Variants in AWAT1 observed in about 807,000 individuals in gnomAD.
AWAT1 encodes the protein diacyl-glycerol acyltransferase 2.
In AWAT1, 26 loss-of-function variants were observed where a neutral mutation model predicts 21.6. That is an observed-to-expected ratio of 1.20 (90% confidence interval 0.88 to 1.67). The LOEUF (loss-of-function observed/expected upper bound fraction) is 1.67. AWAT1 is among the 40% of genes most tolerant of loss of function. The pLI is 0.00. For missense variants in AWAT1, 264 were observed against 249.4 expected, an observed-to-expected ratio of 1.06 and a Z score of -0.39; for synonymous variants, 102 against 99.3, an observed-to-expected ratio of 1.03 and a Z score of -0.16.
At chrX:70,236,498 G>C (rs1351911406) in intron 3 of AWAT1, among the ~76,000 whole-genome samples, 1 of 111,846 alleles carries the variant, frequency 8.9e-6, no homozygotes, top group African/African-American at 3.3e-5. Flanking sequence ...TTAGTATAAA[G>C]TATATTATTT....
At chrX:70,235,903 C>T (rs2085512605) in intron 2 of AWAT1, 80 bp downstream of exon 2, 1 of 1,001,734 alleles carries the variant, frequency 1.0e-6, no homozygotes. Context: ...ACCACAGGCC[C>T]CTCATCCAAG....
In AWAT1 at chrX:70,239,838, C is replaced by T. The variant is rs373394760; in HGVS notation, c.736C>T (p.Arg246Cys). ...GTACAAGTTCCAGAGCTGCTTCCGCCGTATCTTTGGTTTCTACTGTTGTGT... is the reference window on the plus strand; with the variant it reads ...GTACAAGTTCCAGAGCTGCTTCCGCTGTATCTTTGGTTTCTACTGTTGTGT... ...RMYKFQSCFR[R>C]IFGFYCCVFY... The change falls in exon 6 of 7, where the codon CGT (arginine) becomes TGT (cysteine). Residue 246 changes from arginine to cysteine, a missense_variant. Transcript: ENST00000374521. 2 of 1,209,440 alleles carry T rather than the reference C, an allele frequency of 1.7e-6. No individual in the cohort carries two copies. The highest frequency in any genetic ancestry group is 2.2e-6 in the Non-Finnish European group (2 of 893,518).
chrX:70,238,788 C>A (rs762221472), intron 5 of AWAT1, among the ~76,000 whole-genome samples: 22 of 112,262 alleles, frequency 2.0e-4, no homozygotes, highest in Non-Finnish European at 3.8e-4. Flanking sequence ...CCATTCTGAG[C>A]CTTGGTGTTT....
chrX:70,237,114 C>A lies in AWAT1; in HGVS notation c.326C>A (p.Thr109Asn). ...GGGGTTCACCCCCATGGCCTCCTGACCTTTGGCGCCTTCTGCAACTTCTGC... is the reference window on the plus strand; with the variant it reads ...GGGGTTCACCCCCATGGCCTCCTGAACTTTGGCGCCTTCTGCAACTTCTGC... ...LMGVHPHGLL[T>N]FGAFCNFCTE... Residue 109 changes from threonine to asparagine, a missense_variant, in exon 4 of 7, where the codon ACC becomes AAC. Coordinates refer to ENST00000374521, the MANE Select transcript of AWAT1 (RefSeq NM_001013579.3). The A allele has an allele frequency of 8.3e-7, 1 of 1,206,897 alleles. No individual in the cohort carries two copies. Among genetic ancestry groups the A allele is most frequent in the Non-Finnish European group, 1.1e-6 (1 of 892,825 alleles).
At chrX:70,239,445 A>C (rs2085528671) in intron 5 of AWAT1, among the ~76,000 whole-genome samples, 1 of 111,983 alleles carries the variant, frequency 8.9e-6, no homozygotes, top group Non-Finnish European at 1.9e-5. Context: ...TACCTTATGC[A>C]TCCCCTCTTG....
At position 70,235,762 on chromosome X, in the gene AWAT1, G is replaced by A. The variant is rs751428521; in HGVS notation, c.123G>A (p.Leu41=). The A allele has an allele frequency of 2.7e-5, 33 of 1,208,950 alleles. No individual in the cohort carries two copies. In the Middle Eastern group the frequency reaches 9.2e-4, roughly 34 times the overall value. Residue 41 remains leucine, a synonymous_variant, in exon 2 of 7, where the codon TTG becomes TTA. Transcript: ENST00000374521. ...PLFVYLLFTS[L]WPLPVLYFAW... ...TCGTCTACCTGCTGTTTACATCCTT[G>A]TGGCCGCTACCAGTGCTTTACTTTG...
rs183658945 is a variant in AWAT1 at position 70,240,136 on chromosome X, T to C, written c.833T>C (p.Val278Ala). The change falls in exon 7 of 7, where the codon GTT becomes GCT. Residue 278 changes from valine to alanine, a missense_variant and splice_region_variant. Coordinates refer to ENST00000374521, the MANE Select transcript of AWAT1 (RefSeq NM_001013579.3). Reference protein sequence around the residue: ...LPYSRPIVTVVGEPLPLPQIE... With the variant: ...LPYSRPIVTVAGEPLPLPQIE... Reference sequence around the variant, plus strand: ...TCTCTTTTCCGATCTCTCTTGGCAGTTGGGGAGCCTCTGCCACTGCCCCAA... The same window carrying C: ...TCTCTTTTCCGATCTCTCTTGGCAGCTGGGGAGCCTCTGCCACTGCCCCAA... 4 of 1,210,498 alleles carry C rather than the reference T, an allele frequency of 3.3e-6. No individual in the cohort carries two copies. The highest frequency in any genetic ancestry group is 2.3e-4 in the Middle Eastern group (1 of 4,343).
rs977351579 is a variant in AWAT1 at position 70,240,224 on chromosome X, C to A, written c.921C>A (p.His307Gln). Residue 307 changes from histidine to glutamine, a missense_variant, in exon 7 of 7, where the codon CAC becomes CAA. Transcript: ENST00000374521. ...ATGCACTTTATATGGATGCTCTGCACAAACTGTTCGACCAGCATAAGACCC... is the reference window on the plus strand; with the variant it reads ...ATGCACTTTATATGGATGCTCTGCAAAAACTGTTCGACCAGCATAAGACCC... ...KYHALYMDAL[H>Q]KLFDQHKTHY... 1 of 1,211,497 alleles carries A rather than the reference C, an allele frequency of 8.3e-7. No homozygotes were observed. Among genetic ancestry groups the A allele is most frequent in the South Asian group, 1.8e-5 (1 of 56,964 alleles).
rs761665299 is a variant in AWAT1, at chrX:70,236,130, C to T, written c.246C>T (p.Phe82=). 1 of 1,208,405 alleles carries T rather than the reference C, an allele frequency of 8.3e-7. No homozygotes were observed. Among genetic ancestry groups the T allele is most frequent in the Admixed American group, 2.2e-5 (1 of 46,031 alleles). Residue 82 remains phenylalanine, a synonymous_variant, in exon 3 of 7, where the codon TTC becomes TTT. Transcript: ENST00000374521. ...TCTGGACCCACATCAGGGACTATTT[C>T]CCCATTACGGTAAGTATCTCTTCCC... ...WCVWTHIRDY[F]PITILKTKDL...
At chrX:70,235,614 C>A in intron 1 of AWAT1, 102 bp from the exon 2 acceptor site, 1 of 595,241 alleles carries the variant, frequency 1.7e-6, no homozygotes, top group Non-Finnish European at 2.9e-6. Flanking sequence ...GTGTTGAGGG[C>A]CAGGACCAGA....
rs2085529832 is a variant in AWAT1 at position 70,239,750 on chromosome X, C to T, written c.648C>T (p.Pro216=). 1 of 1,209,224 alleles carries T rather than the reference C, an allele frequency of 8.3e-7. No homozygotes were observed. The highest frequency in any genetic ancestry group is 1.7e-5 in the African/African-American group (1 of 57,152). The change falls in exon 6 of 7, where the codon CCC becomes CCT. Residue 216 remains proline, a synonymous_variant. Coordinates refer to ENST00000374521, the MANE Select transcript of AWAT1 (RefSeq NM_001013579.3). ...TALQHGAHLV[P]TFTFGETEVY... is the part of the protein sequence containing the mutation. Reference sequence around the variant, plus strand: ...TTTCCTACAGGGCTCATCTGGTCCCCACCTTCACTTTTGGGGAAACTGAGG... The same window carrying T: ...TTTCCTACAGGGCTCATCTGGTCCCTACCTTCACTTTTGGGGAAACTGAGG...
rs191372044 is a variant in AWAT1 at position 70,237,097 on chromosome X, C to T, written c.309C>T (p.His103=). 8.3e-7 allele frequency: 1 copy of T among 1,207,650 alleles called. No individual in the cohort carries two copies. Among genetic ancestry groups the T allele is most frequent in the African/African-American group, 1.7e-5 (1 of 57,714 alleles). Residue 103 remains histidine (H), a synonymous_variant, in exon 4 of 7, where the codon CAC becomes CAT. Coordinates refer to ENST00000374521, the MANE Select transcript of AWAT1 (RefSeq NM_001013579.3). ...AGCACAACTACCTCATGGGGGTTCA[C>T]CCCCATGGCCTCCTGACCTTTGGCG... ...SPEHNYLMGV[H]PHGLLTFGAF...
intron 5 of AWAT1, among the ~76,000 whole-genome samples, chrX:70,238,917 A>T (rs189440921): frequency 8.9e-6 from 1 of 112,783 alleles, no homozygotes; most frequent in African/African-American, 3.2e-5. Context: ...GAGATCAATA[A>T]ATGTTAGTAT....
chrX:70,235,215 G>A (rs2085509504), intron 1 of AWAT1, among the ~76,000 whole-genome samples: 1 of 110,983 alleles, frequency 9.0e-6, no homozygotes, highest in Admixed American at 9.7e-5. Flanking sequence ...GTAGCATGCG[G>A]GAAGACAGTG....
Position 70,237,066 on chromosome X carries a change from C to T in AWAT1, c.278C>T (p.Ser93Leu). Residue 93 changes from serine to leucine, a missense_variant, in exon 4 of 7, where the codon TCA (serine) becomes TTA (leucine). Physicochemically the swap from Ser to Leu is moderately radical, Grantham distance 145. Transcript: ENST00000374521. ...CAGATCCTGAAGACAAAGGACCTAT[C>T]ACCTGAGCACAACTACCTCATGGGG... ...PITILKTKDL[S>L]PEHNYLMGVH... 3 of 1,206,842 alleles carry T rather than the reference C, an allele frequency of 2.5e-6. No homozygotes were observed. The highest frequency in any genetic ancestry group is 3.4e-6 in the Non-Finnish European group (3 of 892,784).
At chrX:70,235,046 C>T (rs1370050899) in intron 1 of AWAT1, among the ~76,000 whole-genome samples, 1 of 110,707 alleles carries the variant, frequency 9.0e-6, no homozygotes, top group Non-Finnish European at 1.9e-5. Flanking sequence ...ATTTCAGCCA[C>T]TTCCTAATCC....
At chrX:70,238,472 T>C (rs1602707909) in intron 5 of AWAT1, 89 bp downstream of exon 5, 2 of 980,733 alleles carry the variant, frequency 2.0e-6, no homozygotes, top group East Asian at 7.1e-5. Context: ...GATGTGAATT[T>C]TGCCCTCAAG....
At chrX:70,238,696 AGT>A (rs2085525837) in intron 5 of AWAT1, among the ~76,000 whole-genome samples, 1 of 112,138 alleles carries the variant, frequency 8.9e-6, no homozygotes, top group African/African-American at 3.2e-5. Context: ...CAGTATAATG[AGT>A]GTGTGTGCAG....
At chrX:70,236,477 T>C (rs900516603) in intron 3 of AWAT1, among the ~76,000 whole-genome samples, 4 of 111,759 alleles carry the variant, frequency 3.6e-5, no homozygotes, top group Non-Finnish European at 5.6e-5. Flanking sequence ...TCACATCTAA[T>C]GGGGAGGACA....
Sources: gnomAD v4.1 joint callset for allele counts (sites outside exome capture counted in the v4.1 genomes callset) on GRCh38, gnomAD v4.1.1 for gene constraint, MANE v1.5 for transcripts, NCBI Gene and HGNC (gene_info 2026-07-23, HGNC 2026-07-21) for gene names.